The following CRTC3 variants were observed in gnomAD, a reference collection of about 807,000 sequenced individuals.
CRTC3 encodes the protein CREB regulated transcription coactivator 3.
CRTC3 carries 26 observed loss-of-function variants against 74.5 expected under a neutral mutation model. That is an observed-to-expected ratio of 0.35 (90% confidence interval 0.26 to 0.48). The LOEUF (loss-of-function observed/expected upper bound fraction) is 0.48. Ranked by LOEUF, CRTC3 falls within the 20% of genes least tolerant of loss-of-function variation. CRTC3 has a pLI of 0.99. For missense variants in CRTC3, 760 were observed against 787.3 expected, an observed-to-expected ratio of 0.97 and a Z score of 0.41; for synonymous variants, 377 against 325.8, an observed-to-expected ratio of 1.16 and a Z score of -1.69.
At chr15:90,638,898 A>T in intron 13 of CRTC3, 83 bp downstream of exon 13, 1 of 1,162,114 alleles carries the variant, frequency 8.6e-7, no homozygotes, top group East Asian at 2.4e-5. Context: ...TTCAGAACTG[A>T]GCAGACCAGA....
At chr15:90,541,782 CTTTTTTTCTT>C (rs1166561003) in intron 2 of CRTC3, among the ~76,000 whole-genome samples, 1 of 120,100 alleles carries the variant, frequency 8.3e-6, no homozygotes, top group African/African-American at 3.2e-5. Context: ...TCCCAGGATT[CTTTTTTTCTT>C]TTTTTTTTTT....
intron 2 of CRTC3, among the ~76,000 whole-genome samples, chr15:90,587,790 T>A (rs1439309552): frequency 2.0e-5 from 3 of 152,034 alleles, no homozygotes; most frequent in African/African-American, 7.2e-5. Context: ...ATTTTTGTAT[T>A]TTTTGTAAAG....
chr15:90,585,945 G>A (rs1197365215), intron 2 of CRTC3, among the ~76,000 whole-genome samples: 1 of 152,144 alleles, frequency 6.6e-6, no homozygotes, highest in African/African-American at 2.4e-5. Flanking sequence ...GCTCACCACT[G>A]AGATGGTTGA....
intron 2 of CRTC3, among the ~76,000 whole-genome samples, chr15:90,544,114 C>G (rs954849897): frequency 6.6e-6 from 1 of 152,194 alleles, no homozygotes. Context: ...AGTTGGAAAT[C>G]AGCATGGTGT....
intron 1 of CRTC3, among the ~76,000 whole-genome samples, chr15:90,537,187 A>G (rs936304054): frequency 8.5e-5 from 13 of 152,092 alleles, no homozygotes; most frequent in African/African-American, 3.1e-4. Flanking sequence ...GAAAATGTCA[A>G]AATAACTCAG....
intron 11 of CRTC3, among the ~76,000 whole-genome samples, chr15:90,633,886 C>T (rs1003016177): frequency 6.6e-6 from 1 of 151,924 alleles, no homozygotes; most frequent in Non-Finnish European, 1.5e-5. Flanking sequence ...TCCATTTCTG[C>T]TCTCATTTTT....
intron 2 of CRTC3, among the ~76,000 whole-genome samples, chr15:90,585,202 T>A (rs1007460059): frequency 6.6e-6 from 1 of 152,070 alleles, no homozygotes; most frequent in Non-Finnish European, 1.5e-5. Context: ...TGGAGTGCGG[T>A]GGTATGATCA....
chr15:90,593,520 TATA>T (rs1967847321), intron 2 of CRTC3, 113 bp from the exon 3 acceptor site: 9 of 1,185,010 alleles, frequency 7.6e-6, no homozygotes, highest in Non-Finnish European at 1.1e-5. Flanking sequence ...CCCACTAATG[TATA>T]ATAAGTAAAA....
At chr15:90,629,721 A>G (rs1414717645) in intron 11 of CRTC3, among the ~76,000 whole-genome samples, 189 bp downstream of exon 11, 2 of 152,184 alleles carry the variant, frequency 1.3e-5, no homozygotes, top group African/African-American at 4.8e-5. Context: ...GAATGAATTC[A>G]TGATTTTCTT....
chr15:90,607,362 C>A lies in CRTC3; in HGVS notation c.477-16C>A. On this transcript the variant is annotated splice_polypyrimidine_tract_variant and intron_variant, in intron 5 of 14. Transcript: ENST00000268184. ...GAAAACGGATTTTCAGCCAGCCTCT[C>A]TCCTCCCCTCCTTAGGACCAATTCT... 2 of 1,533,264 alleles carry A rather than the reference C, an allele frequency of 1.3e-6. No homozygotes were observed. The highest frequency in any genetic ancestry group is 1.8e-6 in the Non-Finnish European group (2 of 1,114,540). 95.0% of individuals were successfully genotyped at this position (1,533,264 alleles called of 1,614,324 possible).
At chr15:90,634,177 T>C (rs1431473487) in intron 11 of CRTC3, among the ~76,000 whole-genome samples, 1 of 151,598 alleles carries the variant, frequency 6.6e-6, no homozygotes. Flanking sequence ...AGTGGTGTGA[T>C]CTCGGCTCAT....
intron 8 of CRTC3, among the ~76,000 whole-genome samples, chr15:90,618,400 C>T (rs1001296787): frequency 1.3e-5 from 2 of 152,112 alleles, no homozygotes; most frequent in African/African-American, 4.8e-5. Flanking sequence ...GACCTGAGTC[C>T]TCCAAGAGTC....
chr15:90,610,458 A>G (rs1332421455), intron 6 of CRTC3, among the ~76,000 whole-genome samples: 1 of 152,224 alleles, frequency 6.6e-6, no homozygotes, highest in South Asian at 2.1e-4. Flanking sequence ...TGATACATTC[A>G]TGAGTGGAGA....
intron 2 of CRTC3, among the ~76,000 whole-genome samples, chr15:90,547,665 C>A (rs376913252): frequency 7.2e-5 from 11 of 152,112 alleles, no homozygotes; most frequent in Admixed American, 2.0e-4. Context: ...CAGGGCCTGG[C>A]ACACATACAC....
intron 2 of CRTC3, among the ~76,000 whole-genome samples, chr15:90,589,691 A>G (rs537286664): frequency 3.4e-4 from 52 of 152,292 alleles, no homozygotes; most frequent in African/African-American, 1.2e-3. Flanking sequence ...GCAACGTGCA[A>G]TGTTTAAAAT....
chr15:90,622,020 G>T (rs887515000), intron 9 of CRTC3, among the ~76,000 whole-genome samples: 1 of 152,210 alleles, frequency 6.6e-6, no homozygotes, highest in Non-Finnish European at 1.5e-5. Context: ...ACTGTGGCAG[G>T]TGGACAGGCA....
At chr15:90,564,136 A>G (rs1187831609) in intron 2 of CRTC3, among the ~76,000 whole-genome samples, 2 of 152,228 alleles carry the variant, frequency 1.3e-5, no homozygotes, top group African/African-American at 4.8e-5. Flanking sequence ...ACAGCCAAAA[A>G]TGGTAAAGCC....
At chr15:90,612,093 C>T (rs915411670) in intron 6 of CRTC3, among the ~76,000 whole-genome samples, 8 of 148,316 alleles carry the variant, frequency 5.4e-5, no homozygotes, top group African/African-American at 1.5e-4. Context: ...CCTCCTCCTC[C>T]GCCTCTGCCT....
At chr15:90,536,605 G>T (rs1198039308) in intron 1 of CRTC3, among the ~76,000 whole-genome samples, 1 of 152,184 alleles carries the variant, frequency 6.6e-6, no homozygotes, top group East Asian at 1.9e-4. Flanking sequence ...TTGTAATCGT[G>T]TTGGCTATTG....
Sources: gnomAD v4.1 joint callset for allele counts (sites outside exome capture counted in the v4.1 genomes callset) on GRCh38, gnomAD v4.1.1 for gene constraint, MANE v1.5 for transcripts, NCBI Gene and HGNC (gene_info 2026-07-23, HGNC 2026-07-21) for gene names.